TSPEAR: variants seen among roughly 807,000 people sequenced by gnomAD.
TSPEAR encodes the protein thrombospondin type laminin G domain and EAR repeats, also known as thrombospondin-type laminin G domain and EAR repeat-containing protein.
In TSPEAR, 69 loss-of-function variants were observed where a neutral mutation model predicts 71.6. The ratio of observed to expected loss-of-function variants is 0.96; its 90% CI spans 0.79 to 1.18. The LOEUF (loss-of-function observed/expected upper bound fraction) is 1.18. Ranked by LOEUF, TSPEAR falls within the 50% of genes most tolerant of loss-of-function variation. The pLI, the probability that TSPEAR is intolerant of heterozygous loss-of-function variation, is 0.00. For missense variants in TSPEAR, 971 were observed against 894.9 expected, an observed-to-expected ratio of 1.09 and a Z score of -1.09; for synonymous variants, 402 against 387.2, an observed-to-expected ratio of 1.04 and a Z score of -0.45.
chr21:44,612,789 T>C lies in TSPEAR; in HGVS notation c.83-44784A>G, dbSNP rs782786425. On this transcript the variant is annotated intron_variant, in intron 1 of 11. Transcript: ENST00000323084. This position sits in a 1 kb window ranked among gnomAD's most constrained non-coding sequence, Gnocchi z 4.1. ...TGTGTGCCTGTCCCCTCCTGTTGTG[T>C]CCCTGCCTCCTCCTGCCAGCCCAGC... is the stretch of plus-strand genomic sequence containing the variant. The C allele has an allele frequency of 1.2e-6, 2 of 1,613,248 alleles. No individual in the cohort carries two copies. Among genetic ancestry groups the C allele is most frequent in the African/African-American group, 1.3e-5 (1 of 74,778 alleles).
intron 2 of TSPEAR, among the ~76,000 whole-genome samples, chr21:44,549,382 GAAC>G (rs782753453): frequency 8.7e-4 from 133 of 152,322 alleles, no homozygotes; most frequent in Non-Finnish European, 1.3e-3. Flanking sequence ...TTGTAATAAT[GAAC>G]AACTGGAGAG....
chr21:44,510,715 G>C (rs1373742248), intron 9 of TSPEAR: 2 of 152,308 alleles, frequency 1.3e-5, no homozygotes, highest in Non-Finnish European at 2.9e-5. Context: ...CTGCAGGGGA[G>C]GGCGCCACAG....
At chr21:44,555,725 A>T (rs1185308439) in intron 2 of TSPEAR, among the ~76,000 whole-genome samples, 1 of 152,010 alleles carries the variant, frequency 6.6e-6, no homozygotes, top group Non-Finnish European at 1.5e-5. Context: ...CATGGGGCTC[A>T]GGGCAAGGCA....
chr21:44,516,368 A>G (rs1200571867), intron 9 of TSPEAR: 1 of 152,050 alleles, frequency 6.6e-6, no homozygotes, highest in South Asian at 2.1e-4. Context: ...GCTCCTGCTT[A>G]GGGTCTGTGG....
At chr21:44,580,988 G>A (rs1978933192) in intron 1 of TSPEAR, among the ~76,000 whole-genome samples, 1 of 152,058 alleles carries the variant, frequency 6.6e-6, no homozygotes, top group Admixed American at 6.6e-5. Context: ...TGGACTGATT[G>A]GATATATTTT....
chr21:44,599,376 A>G (rs1980618134), intron 1 of TSPEAR, among the ~76,000 whole-genome samples: 1 of 152,210 alleles, frequency 6.6e-6, no homozygotes, highest in Non-Finnish European at 1.5e-5. Context: ...ATAGAGACAC[A>G]GGACACCCTG....
At chr21:44,689,305 A>C (rs1243562517) in intron 1 of TSPEAR, among the ~76,000 whole-genome samples, 2 of 152,072 alleles carry the variant, frequency 1.3e-5, no homozygotes, top group Non-Finnish European at 1.5e-5. Flanking sequence ...GATCGAGACC[A>C]TCCTGGCTAA....
intron 1 of TSPEAR, among the ~76,000 whole-genome samples, chr21:44,670,248 T>C (rs1985991856): frequency 6.6e-6 from 1 of 152,106 alleles, no homozygotes; most frequent in Admixed American, 6.5e-5. Flanking sequence ...GGGTTCATGG[T>C]TCATAGGTGG....
At position 44,630,264 on chromosome 21, in the gene TSPEAR, G is replaced by A. The variant is rs116817083; in HGVS notation, c.83-62259C>T. Among the ~76,000 whole-genome samples the A allele has an allele frequency of 7.0e-3, 1,067 of 152,232 alleles. 12 individuals carry two copies. The highest frequency in any genetic ancestry group is 0.041 in the Middle Eastern group (12 of 294). Reference sequence around the variant, plus strand: ...GGCAGGAGAGGAGCACAGTAGTGACGGCTTCCTGAAGGACTAACACACAGG... The same window carrying A: ...GGCAGGAGAGGAGCACAGTAGTGACAGCTTCCTGAAGGACTAACACACAGG... On this transcript the variant is annotated intron_variant, in intron 1 of 11. Transcript: ENST00000323084.
rs146344054 is a variant in TSPEAR at position 44,500,408 on chromosome 21, C to T, written c.1857-472G>A. 3.9e-4 allele frequency among the ~76,000 whole-genome samples: 59 copies of T among 152,330 alleles called. 1 individual carries two copies. Among genetic ancestry groups the T allele is most frequent in the African/African-American group, 6.7e-4 (28 of 41,572 alleles). On this transcript the variant is annotated intron_variant, in intron 11 of 11. Coordinates refer to ENST00000323084, the MANE Select transcript of TSPEAR (RefSeq NM_144991.3). ...CCCAGGCCCTCATTCTTGCTCTGGG[C>T]GGCTGCTGGCCGCCAGGGTTTGCCT...
intron 9 of TSPEAR, chr21:44,517,077 C>T (rs1324246231): frequency 6.6e-6 from 1 of 152,480 alleles, no homozygotes; most frequent in Non-Finnish European, 1.5e-5. Flanking sequence ...GTGCTTCTGT[C>T]ACTCCTTCAG....
chr21:44,626,782 G>A (rs1176976940), intron 1 of TSPEAR, among the ~76,000 whole-genome samples: 1 of 152,090 alleles, frequency 6.6e-6, no homozygotes, highest in African/African-American at 2.4e-5. Context: ...GTGGCTGGAC[G>A]ATGCCCCAGC....
At chr21:44,608,991 G>A (rs1214059950) in intron 1 of TSPEAR, among the ~76,000 whole-genome samples, 1 of 152,192 alleles carries the variant, frequency 6.6e-6, no homozygotes, top group Non-Finnish European at 1.5e-5. Context: ...GAAAGAGAAT[G>A]GACAAATAAC....
Position 44,710,021 on chromosome 21 carries a change from A to C in TSPEAR, c.82+1412T>G, listed in dbSNP as rs1436427195. On this transcript the variant is annotated intron_variant, in intron 1 of 11. Transcript: ENST00000323084. The surrounding 1 kb of genome is among the most constrained non-coding windows in gnomAD (Gnocchi z 4.6). ...ACCTGTATTATTATTATGCAGGTTG[A>C]TTCTGTTCCCTGAGCTAAAGGGAAC... 6.6e-6 allele frequency among the ~76,000 whole-genome samples: 1 copy of C among 152,192 alleles called. No homozygotes were observed. Among genetic ancestry groups the C allele is most frequent in the Non-Finnish European group, 1.5e-5 (1 of 68,030 alleles).
chr21:44,550,625 C>T (rs2053397377), intron 2 of TSPEAR: 22 of 1,583,512 alleles, frequency 1.4e-5, no homozygotes, highest in Non-Finnish European at 2.6e-6. Context: ...GCTGGGTGGG[C>T]TGGGAGGTCC....
At chr21:44,551,284 G>A (rs1226008845) in intron 2 of TSPEAR, 1 of 1,613,436 alleles carries the variant, frequency 6.2e-7, no homozygotes. Context: ...CAGGCCGCCT[G>A]GCAGCAGGGG....
intron 1 of TSPEAR, among the ~76,000 whole-genome samples, chr21:44,572,194 G>A (rs2053811364): frequency 6.6e-6 from 1 of 152,182 alleles, no homozygotes; most frequent in Admixed American, 6.5e-5. Flanking sequence ...CACCCAACCG[G>A]TCAAGGTCGC....
At chr21:44,706,947 C>G (rs1156680810) in intron 1 of TSPEAR, among the ~76,000 whole-genome samples, 1 of 152,238 alleles carries the variant, frequency 6.6e-6, no homozygotes, top group Non-Finnish European at 1.5e-5. Flanking sequence ...ATGGGGTCCC[C>G]CCACCCCCAA....
chr21:44,658,358 G>A (rs1399585933), intron 1 of TSPEAR: 3 of 1,297,626 alleles, frequency 2.3e-6, no homozygotes, highest in East Asian at 2.4e-5. Context: ...ACATAGGGCA[G>A]ATGAAAAGCA....
Sources: allele counts gnomAD v4.1 joint callset (sites outside exome capture counted in the v4.1 genomes callset), GRCh38; gene constraint gnomAD v4.1.1; non-coding constraint Gnocchi (gnomAD v3.1); transcripts MANE v1.5; gene names NCBI Gene and HGNC (gene_info 2026-07-23, HGNC 2026-07-21).